Variants in FAM53B observed in about 807,000 individuals in gnomAD.
The protein encoded by FAM53B is family with sequence similarity 53 member B, also known as protein FAM53B.
FAM53B carries 12 observed loss-of-function variants against 32.7 expected under a neutral mutation model. The ratio of observed to expected loss-of-function variants is 0.37; its 90% CI spans 0.24 to 0.59. The LOEUF is 0.59. Ranked by LOEUF, FAM53B falls within the 20% of genes least tolerant of loss-of-function variation. FAM53B has a pLI of 0.72. For synonymous variants in FAM53B, 234 were observed against 228.7 expected, an observed-to-expected ratio of 1.02 and a Z score of -0.21; for missense variants, 477 against 577.7, an observed-to-expected ratio of 0.83 and a Z score of 1.79.
rs1218441815 is a variant in FAM53B, at chr10:124,623,366, G to A, written c.1145C>T (p.Ala382Val). ...DLSCEESDSC[A>V]LDEDCGRRAE... is the part of the protein sequence containing the mutation. Reference sequence around the variant, plus strand: ...TCTCCTGCCACAATCCTCGTCCAGGGCGCAGCTGTCTGACTCCTCACAGGA... The same window carrying A: ...TCTCCTGCCACAATCCTCGTCCAGGACGCAGCTGTCTGACTCCTCACAGGA... The change falls in exon 5 of 5, where the codon GCC (alanine) becomes GTC (valine). Residue 382 changes from alanine to valine, a missense_variant. Ala to Val is a moderately conservative substitution (Grantham distance 64, BLOSUM62 0). This residue lies in a region of FAM53B where 165 missense variants were observed against 157.5 expected (regional missense o/e 1.05). Transcript: ENST00000337318. 1.9e-6 allele frequency: 3 copies of A among 1,612,514 alleles called. No individual in the cohort carries two copies. Among genetic ancestry groups the A allele is most frequent in the Non-Finnish European group, 2.5e-6 (3 of 1,179,830 alleles).
intron 4 of FAM53B, among the ~76,000 whole-genome samples, chr10:124,628,920 G>A (rs1236762199): frequency 6.6e-6 from 1 of 152,222 alleles, no homozygotes; most frequent in Non-Finnish European, 1.5e-5. Context: ...TGCAGTTCAT[G>A]GGCTTCCCTC....
intron 4 of FAM53B, among the ~76,000 whole-genome samples, chr10:124,678,231 C>A (rs567850976): frequency 6.6e-6 from 1 of 152,208 alleles, no homozygotes; most frequent in Non-Finnish European, 1.5e-5. Context: ...CCAAGTCCTG[C>A]GACTGTGACG....
chr10:124,736,502 C>T (rs1950175021), intron 1 of FAM53B, among the ~76,000 whole-genome samples: 1 of 152,252 alleles, frequency 6.6e-6, no homozygotes, highest in African/African-American at 2.4e-5. Flanking sequence ...TTTCCACTTC[C>T]AAACATGCAG....
intron 1 of FAM53B, among the ~76,000 whole-genome samples, chr10:124,729,982 C>A (rs1044961685): frequency 1.3e-5 from 2 of 152,200 alleles, no homozygotes; most frequent in African/African-American, 4.8e-5. Context: ...CAGCCCAATT[C>A]CAAGCTACTC....
At chr10:124,718,065 G>T (rs138248336) in intron 1 of FAM53B, among the ~76,000 whole-genome samples, 1 of 152,040 alleles carries the variant, frequency 6.6e-6, no homozygotes, top group East Asian at 1.9e-4. Flanking sequence ...TCTCTCAGCA[G>T]CTGGGCCTTG....
At chr10:124,652,835 A>C (rs1949565031) in intron 4 of FAM53B, among the ~76,000 whole-genome samples, 1 of 152,146 alleles carries the variant, frequency 6.6e-6, no homozygotes, top group Non-Finnish European at 1.5e-5. Context: ...AAAATCTACT[A>C]GCTGGAACCC....
At chr10:124,654,438 G>A (rs756529316) in intron 4 of FAM53B, among the ~76,000 whole-genome samples, 13 of 152,238 alleles carry the variant, frequency 8.5e-5, no homozygotes, top group Non-Finnish European at 1.6e-4. Flanking sequence ...AAGGAAGAGC[G>A]CTCCCAGGGA....
chr10:124,704,569 A>C (rs1385304564), intron 2 of FAM53B, among the ~76,000 whole-genome samples: 1 of 152,216 alleles, frequency 6.6e-6, no homozygotes, highest in Non-Finnish European at 1.5e-5. Flanking sequence ...GCTCCAGGCC[A>C]AGGAAAAAGT....
intron 1 of FAM53B, among the ~76,000 whole-genome samples, chr10:124,716,601 T>C (rs1950039942): frequency 6.6e-6 from 1 of 152,206 alleles, no homozygotes; most frequent in African/African-American, 2.4e-5. Flanking sequence ...ACTGCATGCA[T>C]GACTTGTCAA....
intron 1 of FAM53B, among the ~76,000 whole-genome samples, chr10:124,722,948 T>C (rs1239253217): frequency 6.6e-6 from 1 of 152,250 alleles, no homozygotes; most frequent in Non-Finnish European, 1.5e-5. Context: ...CTGCTCATGC[T>C]GGTCTCTCAG....
At chr10:124,648,843 G>A (rs1173479318) in intron 4 of FAM53B, among the ~76,000 whole-genome samples, 1 of 152,262 alleles carries the variant, frequency 6.6e-6, no homozygotes, top group Non-Finnish European at 1.5e-5. Flanking sequence ...GCCGCCCTGA[G>A]AAGAGAAAGC....
intron 2 of FAM53B, among the ~76,000 whole-genome samples, chr10:124,697,981 A>G (rs1949885742): frequency 6.6e-6 from 1 of 152,174 alleles, no homozygotes; most frequent in Non-Finnish European, 1.5e-5. Context: ...AAGTCATCCA[A>G]TGGCAAGTGG....
chr10:124,641,593 G>A (rs569275314), intron 4 of FAM53B, among the ~76,000 whole-genome samples: 86 of 152,342 alleles, frequency 5.6e-4, no homozygotes, highest in African/African-American at 1.9e-3. Context: ...AACAGGAGCC[G>A]AGAGTCACGG....
rs536191017 is a variant in FAM53B at position 124,739,061 on chromosome 10, A to C, written c.-175+4952T>G. Among the ~76,000 whole-genome samples the C allele has an allele frequency of 2.6e-3, 402 of 152,256 alleles. 1 individual carries two copies. The highest frequency in any genetic ancestry group is 4.3e-3 in the Non-Finnish European group (292 of 67,984). ...CAAAAAACAAAAAAAAAAAAACAAA[A>C]AACAAAAAAACACACAGCCATAGCA... On this transcript the variant is annotated intron_variant, in intron 1 of 4. Coordinates refer to ENST00000337318, the MANE Select transcript of FAM53B (RefSeq NM_014661.4).
intron 4 of FAM53B, among the ~76,000 whole-genome samples, chr10:124,671,644 G>C (rs1949707567): frequency 1.3e-5 from 2 of 152,348 alleles, no homozygotes; most frequent in South Asian, 4.1e-4. Context: ...GCCCTTCAGG[G>C]AGAGGGTGGG....
intron 3 of FAM53B, among the ~76,000 whole-genome samples, chr10:124,694,345 C>T (rs972139392): frequency 3.9e-5 from 6 of 152,376 alleles, no homozygotes; most frequent in Admixed American, 1.3e-4. Context: ...CTGCAGCCTC[C>T]GATAGACTCT....
chr10:124,675,556 T>C (rs1000707908), intron 4 of FAM53B, among the ~76,000 whole-genome samples: 4 of 152,246 alleles, frequency 2.6e-5, no homozygotes, highest in Non-Finnish European at 5.9e-5. Flanking sequence ...CCCACACTCA[T>C]GAGCAACAGG....
intron 4 of FAM53B, among the ~76,000 whole-genome samples, chr10:124,675,703 T>G (rs1949732546): frequency 6.6e-6 from 1 of 152,206 alleles, no homozygotes; most frequent in African/African-American, 2.4e-5. Flanking sequence ...ATGCCCCATG[T>G]GCATCAGTCC....
intron 4 of FAM53B, among the ~76,000 whole-genome samples, chr10:124,654,228 C>T (rs887373358): frequency 1.3e-5 from 2 of 152,222 alleles, no homozygotes; most frequent in East Asian, 1.9e-4. Context: ...ATGCGAAGTG[C>T]GATTGTCATC....
Sources: allele counts gnomAD v4.1 joint callset (sites outside exome capture counted in the v4.1 genomes callset), GRCh38; gene constraint gnomAD v4.1.1; regional missense constraint gnomAD v4.1.1; transcripts MANE v1.5; gene names NCBI Gene and HGNC (gene_info 2026-07-23, HGNC 2026-07-21).